Variants in NAALADL2 observed in about 807,000 individuals in gnomAD.
The protein encoded by NAALADL2 is N-acetylated alpha-linked acidic dipeptidase like 2.
NAALADL2 carries 76 observed loss-of-function variants against 87.2 expected under a neutral mutation model. That is an observed-to-expected ratio of 0.87 (90% CI 0.72 to 1.05). NAALADL2 has a LOEUF of 1.05. NAALADL2 is among the 50% of genes least tolerant of loss of function. The pLI is 0.00. For synonymous variants in NAALADL2, 354 were observed against 331.0 expected, an observed-to-expected ratio of 1.07 and a Z score of -0.75; for missense variants, 1,089 against 945.8, an observed-to-expected ratio of 1.15 and a Z score of -1.99.
rs542775860 is a variant in NAALADL2, at chr3:175,490,132, A to G, written c.1653+18374A>G. Among the ~76,000 whole-genome samples the G allele has an allele frequency of 2.6e-5, 4 of 152,260 alleles. No individual in the cohort carries two copies. The South Asian group carries it at 8.3e-4, about 32-fold the overall frequency. On this transcript the variant is annotated intron_variant, in intron 9 of 13. Transcript: ENST00000454872. ...GAGCCAATGAGGTAGTGAGATGTTG[A>G]CTGCCTTTCAGGAAATAGGAGTTTT...
chr3:175,783,500 CTCTG>C (rs900663346), intron 13 of NAALADL2, among the ~76,000 whole-genome samples: 2 of 151,268 alleles, frequency 1.3e-5, no homozygotes, highest in South Asian at 2.1e-4. Context: ...TGATTTGGCT[CTCTG>C]TCTGTTATTG....
intron 2 of NAALADL2, among the ~76,000 whole-genome samples, chr3:175,109,182 C>G (rs745943441): frequency 6.6e-6 from 1 of 151,792 alleles, no homozygotes; most frequent in Non-Finnish European, 1.5e-5. Context: ...AAGGTCAAAG[C>G]TATAAACTGT....
chr3:175,430,023 T>C (rs1717489894), intron 5 of NAALADL2, among the ~76,000 whole-genome samples: 2 of 151,918 alleles, frequency 1.3e-5, no homozygotes, highest in Admixed American at 1.3e-4. Context: ...AAATGGTCTT[T>C]AGCTTAACTT....
In NAALADL2 at chr3:175,541,352, A is replaced by G. The variant is rs544165428; in HGVS notation, c.1654-34689A>G. ...GAAAATATAAGTAAAAAATGCATTT[A>G]ATACACCTAACCTTTCAAACATCAT... On this transcript the variant is annotated intron_variant, in intron 9 of 13. Transcript: ENST00000454872. Among the ~76,000 whole-genome samples, 22 of 152,336 alleles carry G rather than the reference A, an allele frequency of 1.4e-4. No homozygotes were observed. The East Asian group carries it at 3.9e-3, about 27-fold the overall frequency.
At chr3:175,143,834 G>A (rs1480451550) in intron 2 of NAALADL2, among the ~76,000 whole-genome samples, 1 of 151,902 alleles carries the variant, frequency 6.6e-6, no homozygotes, top group Non-Finnish European at 1.5e-5. Context: ...CATATCATCA[G>A]TAAATAATGG....
At chr3:174,687,921 C>T (rs1422937653) in intron 2 of NAALADL2, among the ~76,000 whole-genome samples, 1 of 152,114 alleles carries the variant, frequency 6.6e-6, no homozygotes, top group South Asian at 2.1e-4. Flanking sequence ...CGTGCCTTTG[C>T]TACTCTGCCT....
chr3:174,893,858 C>T (rs1471635933), intron 1 of NAALADL2, among the ~76,000 whole-genome samples: 3 of 151,986 alleles, frequency 2.0e-5, no homozygotes, highest in African/African-American at 4.8e-5. Flanking sequence ...AGGACTAAGC[C>T]CTAACTTATT....
intron 2 of NAALADL2, among the ~76,000 whole-genome samples, chr3:175,188,140 A>G (rs1411697863): frequency 6.6e-6 from 1 of 152,162 alleles, no homozygotes; most frequent in African/African-American, 2.4e-5. Context: ...TTTTTCTATC[A>G]TGAATTTTGA....
In NAALADL2 at chr3:175,388,167, A is replaced by G. The variant is rs76333431; in HGVS notation, c.1091-59062A>G. ...ATCTGAGTTGATTAGTAAGTGTATGATGAAGACATTGAGAATTCAGAAGAG... is the reference window on the plus strand; with the variant it reads ...ATCTGAGTTGATTAGTAAGTGTATGGTGAAGACATTGAGAATTCAGAAGAG... On this transcript the variant is annotated intron_variant, in intron 5 of 13. Coordinates refer to ENST00000454872, the MANE Select transcript of NAALADL2 (RefSeq NM_207015.3). Among the ~76,000 whole-genome samples the G allele has an allele frequency of 4.5e-3, 680 of 152,240 alleles. 11 individuals are homozygous for G. Among genetic ancestry groups the G allele is most frequent in the African/African-American group, 0.016 (651 of 41,562 alleles).
At chr3:174,575,035 A>T (rs1394191486) in intron 2 of NAALADL2, among the ~76,000 whole-genome samples, 1 of 152,128 alleles carries the variant, frequency 6.6e-6, no homozygotes, top group Non-Finnish European at 1.5e-5. Flanking sequence ...ATAAAATAGA[A>T]TGTAATGGCT....
chr3:175,392,163 T>A (rs1015681363), intron 5 of NAALADL2, among the ~76,000 whole-genome samples: 1 of 152,226 alleles, frequency 6.6e-6, no homozygotes, highest in East Asian at 1.9e-4. Flanking sequence ...TGTGAATTGA[T>A]GAATACTTGC....
intron 2 of NAALADL2, among the ~76,000 whole-genome samples, chr3:175,122,822 A>T (rs1726349754): frequency 6.6e-6 from 1 of 151,882 alleles, no homozygotes; most frequent in Non-Finnish European, 1.5e-5. Flanking sequence ...ATTTATAAAC[A>T]ATAGAAATTT....
intron 2 of NAALADL2, among the ~76,000 whole-genome samples, chr3:174,653,825 G>T (rs978049648): frequency 6.6e-6 from 1 of 151,974 alleles, no homozygotes; most frequent in African/African-American, 2.4e-5. Context: ...AGAAAATATT[G>T]ATTTATAATT....
intron 4 of NAALADL2, among the ~76,000 whole-genome samples, chr3:175,284,935 A>G (rs1001911241): frequency 1.3e-5 from 2 of 152,092 alleles, no homozygotes; most frequent in African/African-American, 2.4e-5. Context: ...GTGTTGTTGG[A>G]GACAGTGCAT....
chr3:175,382,381 A>C (rs6810098), intron 5 of NAALADL2, among the ~76,000 whole-genome samples: 16,058 of 151,884 alleles, frequency 0.11, 1,485 homozygotes, highest in African/African-American at 0.26. Flanking sequence ...CTTTCTGTTT[A>C]TTTGTTTTTT....
At chr3:174,612,812 T>C (rs762594243) in intron 2 of NAALADL2, among the ~76,000 whole-genome samples, 8 of 152,178 alleles carry the variant, frequency 5.3e-5, no homozygotes, top group Non-Finnish European at 1.2e-4. Flanking sequence ...TGTAGTTTAT[T>C]TGGTAAGTCA....
chr3:175,290,084 A>C (rs1755466745), intron 4 of NAALADL2, among the ~76,000 whole-genome samples: 1 of 152,214 alleles, frequency 6.6e-6, no homozygotes, highest in Non-Finnish European at 1.5e-5. Flanking sequence ...GAATGCAAGC[A>C]ACTGGAACTC....
intron 5 of NAALADL2, among the ~76,000 whole-genome samples, chr3:175,433,588 A>C (rs1718140016): frequency 1.3e-5 from 2 of 152,028 alleles, no homozygotes. Context: ...CTTCGCTGTG[A>C]CTTCAAAGAA....
intron 5 of NAALADL2, among the ~76,000 whole-genome samples, chr3:175,331,457 G>A (rs952357139): frequency 6.6e-6 from 1 of 151,988 alleles, no homozygotes; most frequent in Non-Finnish European, 1.5e-5. Flanking sequence ...TACAACATAT[G>A]CAAATCAATA....
Sources: gnomAD v4.1 joint callset for allele counts (sites outside exome capture counted in the v4.1 genomes callset) on GRCh38, gnomAD v4.1.1 for gene constraint, MANE v1.5 for transcripts, NCBI Gene and HGNC (gene_info 2026-07-23, HGNC 2026-07-21) for gene names.